Variants in FHDC1 observed in about 807,000 individuals in gnomAD.
The protein encoded by FHDC1 is FH2 domain containing 1.
In FHDC1, 25 loss-of-function variants were observed where a neutral mutation model predicts 52.6. The observed-to-expected ratio is 0.48, with a 90% confidence interval of 0.35 to 0.66. The LOEUF (loss-of-function observed/expected upper bound fraction) is 0.66, where lower values mean the gene tolerates loss of function less well. Ranked by LOEUF, FHDC1 falls within the 30% of genes least tolerant of loss-of-function variation. The pLI, the probability that FHDC1 is intolerant of heterozygous loss-of-function variation, is 0.01. For missense variants in FHDC1, 1,459 were observed against 1,452.8 expected (o/e 1.00, Z -0.07); for synonymous variants, 616 against 581.5 (o/e 1.06, Z -0.85).
intron 4 of FHDC1, 48 bp from the exon 5 acceptor site, chr4:152,960,517 G>T (rs1285863704): frequency 7.1e-7 from 1 of 1,410,260 alleles, no homozygotes. Context: ...ATCTTAAATT[G>T]TATTCGTAAG....
chr4:152,933,505 C>A (rs1403921499), upstream of FHDC1, among the ~76,000 whole-genome samples: 2 of 151,912 alleles, frequency 1.3e-5, no homozygotes, highest in Non-Finnish European at 2.9e-5. Flanking sequence ...GAGGCTGAGG[C>A]GGGTGGATCA....
the FHDC1 span, among the ~76,000 whole-genome samples, chr4:152,913,934 A>C: frequency 6.6e-6 from 1 of 152,032 alleles, no homozygotes; most frequent in East Asian, 1.9e-4. Flanking sequence ...GCCTGCCTCC[A>C]CCTCCCAAAG....
chr4:152,919,448 GCATTTTAC>G, the FHDC1 span, among the ~76,000 whole-genome samples: 1 of 152,194 alleles, frequency 6.6e-6, no homozygotes, highest in Admixed American at 6.5e-5. Flanking sequence ...GGGGAAGAAG[GCATTTTAC>G]CATTCTACCA....
chr4:152,940,200 G>A (rs185727635), intron 1 of FHDC1, among the ~76,000 whole-genome samples: 2 of 152,352 alleles, frequency 1.3e-5, no homozygotes, highest in Admixed American at 1.3e-4. Context: ...CCCTATTGGA[G>A]TAAAGGTAGT....
intron 1 of FHDC1, among the ~76,000 whole-genome samples, chr4:152,939,275 AGT>A (rs1018759803): frequency 8.6e-5 from 13 of 151,358 alleles, no homozygotes; most frequent in Admixed American, 2.0e-4. Flanking sequence ...TGTGTGTTTC[AGT>A]GTGTGTGTTT....
Position 152,976,197 on chromosome 4 carries a change from C to A in FHDC1, c.2906C>A (p.Pro969Gln), listed in dbSNP as rs1383948404. Residue 969 changes from proline to glutamine, a missense_variant, in exon 12 of 12, where the codon CCG becomes CAG. Around this residue, in one of 3 missense-constraint regions of FHDC1, gnomAD observed 939 missense variants for 854.5 expected, o/e 1.10. Coordinates refer to ENST00000511601, the MANE Select transcript of FHDC1 (RefSeq NM_001371116.1). The stretch of plus-strand genomic sequence containing the variant: ...AGCAGCGGCTCCAGCAGCACCCGTC[C>A]GGGGAGGGACGTTCCCCTGCAGCCC... Reference protein sequence around the residue: ...RGSSGSSSTRPGRDVPLQPRG... With the variant: ...RGSSGSSSTRQGRDVPLQPRG... 3.1e-6 allele frequency: 5 copies of A among 1,612,578 alleles called. No homozygotes were observed. The highest frequency in any genetic ancestry group is 3.4e-6 in the Non-Finnish European group (4 of 1,179,758).
At chr4:152,957,925 C>A (rs1319267872) in intron 4 of FHDC1, among the ~76,000 whole-genome samples, 1 of 152,168 alleles carries the variant, frequency 6.6e-6, no homozygotes, top group Admixed American at 6.5e-5. Flanking sequence ...GGAACACCCC[C>A]ACCACGCCTG....
rs78920711 is a variant in FHDC1, at chr4:152,965,950, C to T, written c.1100+975C>T. On this transcript the variant is annotated intron_variant, in intron 9 of 11. Transcript: ENST00000511601. ...AGTTACTGATTCTATGAATATCTAG[C>T]CACAGATTACATGTCTTTCCCAAAG... Among the ~76,000 whole-genome samples the T allele has an allele frequency of 7.9e-5, 12 of 152,330 alleles. No individual in the cohort carries two copies. The East Asian group carries it at 2.1e-3, about 27-fold the overall frequency.
rs1254630056 is a variant in FHDC1 at position 152,943,335 on chromosome 4, A to G, written c.278A>G (p.Lys93Arg). 3.1e-6 allele frequency: 5 copies of G among 1,613,074 alleles called. No individual in the cohort carries two copies. Among genetic ancestry groups the G allele is most frequent in the South Asian group, 1.1e-5 (1 of 91,020 alleles). ...THMNGYSHLG[K>R]KKRMRSFFWK... is the part of the protein sequence containing the mutation. The stretch of plus-strand genomic sequence containing the variant: ...ATGAACGGCTACAGCCACCTTGGTA[A>G]GAAAAAGCGGATGAGAAGCTTTTTT... Residue 93 changes from lysine (K) to arginine (R), a missense_variant, in exon 2 of 12, where the codon AAG (lysine) becomes AGG (arginine). This residue lies in a region of FHDC1 where 513 missense variants were observed against 581.5 expected (regional missense o/e 0.88). Coordinates refer to ENST00000511601, the MANE Select transcript of FHDC1 (RefSeq NM_001371116.1).
the FHDC1 span, among the ~76,000 whole-genome samples, chr4:152,921,592 C>T: frequency 0.17 from 20,867 of 119,838 alleles, 1,758 homozygotes; most frequent in Admixed American, 0.27. Context: ...CTTCCTCCCT[C>T]CCTCCCTCCC....
At chr4:152,950,981 C>T (rs1197352108) in intron 2 of FHDC1, among the ~76,000 whole-genome samples, 3 of 152,178 alleles carry the variant, frequency 2.0e-5, no homozygotes, top group Non-Finnish European at 4.4e-5. Context: ...TAATTTTCTC[C>T]TTCACTTTTC....
chr4:152,918,706 G>A, the FHDC1 span, among the ~76,000 whole-genome samples: 1 of 152,194 alleles, frequency 6.6e-6, no homozygotes, highest in African/African-American at 2.4e-5. Flanking sequence ...TGCTCTGGGT[G>A]GAGCATCAGC....
the FHDC1 span, among the ~76,000 whole-genome samples, chr4:152,921,620 T>G: frequency 4.9e-5 from 7 of 141,546 alleles, no homozygotes; most frequent in Non-Finnish European, 1.1e-4. Context: ...CTTCCTCCCT[T>G]TTTCCCTTCC....
the FHDC1 span, among the ~76,000 whole-genome samples, chr4:152,930,991 ACACACACTCTCTCT>A: frequency 6.9e-6 from 1 of 145,900 alleles, no homozygotes; most frequent in Non-Finnish European, 1.5e-5. Context: ...ACACACACAC[ACACACACTCTCTCT>A]CTCTCTCTCT....
chr4:152,973,821 G>T (rs1740750581), intron 11 of FHDC1, among the ~76,000 whole-genome samples: 1 of 152,274 alleles, frequency 6.6e-6, no homozygotes, highest in African/African-American at 2.4e-5. Context: ...TATTTAAAGT[G>T]CATGGCCAGG....
At chr4:152,957,426 A>G (rs994530097) in intron 4 of FHDC1, among the ~76,000 whole-genome samples, 1 of 152,186 alleles carries the variant, frequency 6.6e-6, no homozygotes, top group Non-Finnish European at 1.5e-5. Flanking sequence ...AGGCTCACAC[A>G]GGTTAGTTAT....
At chr4:152,967,609 TTG>T (rs1740503744) in intron 9 of FHDC1, among the ~76,000 whole-genome samples, 2 of 152,226 alleles carry the variant, frequency 1.3e-5, no homozygotes, top group Non-Finnish European at 2.9e-5. Flanking sequence ...AGTTTCCTAT[TTG>T]TGTTTAGTGG....
intron 2 of FHDC1, among the ~76,000 whole-genome samples, chr4:152,944,857 G>A (rs1739681515): frequency 6.6e-6 from 1 of 152,166 alleles, no homozygotes; most frequent in Non-Finnish European, 1.5e-5. Context: ...TTTCAATATT[G>A]GAAGGAGCAA....
chr4:152,912,015 CTT>C, the FHDC1 span: 1 of 152,590 alleles, frequency 6.6e-6, no homozygotes, highest in East Asian at 1.9e-4. Flanking sequence ...ACTTCTGTCA[CTT>C]ATAATTGTTT....
Sources: allele counts gnomAD v4.1 joint callset (sites outside exome capture counted in the v4.1 genomes callset), GRCh38; gene constraint gnomAD v4.1.1; regional missense constraint gnomAD v4.1.1; transcripts MANE v1.5; gene names NCBI Gene and HGNC (gene_info 2026-07-23, HGNC 2026-07-21).